SHISA6: variants seen among roughly 807,000 people sequenced by gnomAD.
SHISA6 encodes the protein protein shisa-6.
Under a neutral mutation model 47.9 loss-of-function variants are expected in SHISA6, and 22 were observed. The observed-to-expected ratio is 0.46, with a 90% CI of 0.33 to 0.66. SHISA6 has a LOEUF of 0.66. Among genes scored for constraint, SHISA6 ranks in the 30% least tolerant of loss-of-function variants. The pLI is 0.02. For synonymous variants in SHISA6, 388 were observed against 337.8 expected (o/e 1.15, Z -1.63); for missense variants, 680 against 764.6 (o/e 0.89, Z 1.30).
intron 2 of SHISA6, among the ~76,000 whole-genome samples, chr17:11,345,950 C>T (rs1020667194): frequency 2.6e-5 from 4 of 152,048 alleles, no homozygotes; most frequent in African/African-American, 9.7e-5. Context: ...TTATCTTTTA[C>T]TTCTTTTACT....
chr17:11,248,947 G>A (rs529908546), intron 1 of SHISA6, among the ~76,000 whole-genome samples: 2 of 152,020 alleles, frequency 1.3e-5, no homozygotes, highest in East Asian at 1.9e-4. Context: ...AGACCATCCC[G>A]GCTAACACGG....
intron 3 of SHISA6, among the ~76,000 whole-genome samples, chr17:11,407,191 CA>C (rs1443036692): frequency 1.3e-5 from 2 of 151,822 alleles, no homozygotes; most frequent in African/African-American, 4.8e-5. Context: ...ACAAGATAAC[CA>C]CTATTAGTAT....
intron 3 of SHISA6, among the ~76,000 whole-genome samples, chr17:11,455,505 ATGGAAGTGTGTGTACAAGCG>A (rs549963528): frequency 4.0e-3 from 609 of 152,078 alleles, no homozygotes; most frequent in African/African-American, 8.3e-3. Flanking sequence ...GTCTGCACAG[ATGGAAGTGTGTGTACAAGCG>A]TGGAAGTGTG....
intron 3 of SHISA6, among the ~76,000 whole-genome samples, chr17:11,489,707 G>A (rs1463892807): frequency 6.6e-6 from 1 of 152,178 alleles, no homozygotes; most frequent in Non-Finnish European, 1.5e-5. Flanking sequence ...TTAAACAGCA[G>A]TTTTCAACCG....
intron 3 of SHISA6, among the ~76,000 whole-genome samples, chr17:11,447,751 A>G (rs1915273644): frequency 6.6e-6 from 1 of 152,288 alleles, no homozygotes; most frequent in South Asian, 2.1e-4. Context: ...CATCTCCTCA[A>G]TGAAGTTTCT....
At chr17:11,341,240 G>A (rs1359008746) in intron 2 of SHISA6, among the ~76,000 whole-genome samples, 2 of 151,678 alleles carry the variant, frequency 1.3e-5, no homozygotes, top group East Asian at 3.9e-4. Flanking sequence ...AAATGACAAG[G>A]ATCATGGCAG....
intron 2 of SHISA6, among the ~76,000 whole-genome samples, chr17:11,337,669 G>A (rs1911372636): frequency 6.6e-6 from 1 of 152,166 alleles, no homozygotes; most frequent in African/African-American, 2.4e-5. Flanking sequence ...CCTGCTCCAA[G>A]ATGGCTTTGC....
intron 3 of SHISA6, among the ~76,000 whole-genome samples, chr17:11,475,108 G>A (rs1257452518): frequency 1.3e-5 from 2 of 151,962 alleles, no homozygotes; most frequent in Non-Finnish European, 2.9e-5. Flanking sequence ...AATTTTACTT[G>A]TTCATTGACA....
chr17:11,558,046 T>TC lies in SHISA6; in HGVS notation c.1401dup (p.Glu468ArgfsTer37), dbSNP rs1460704792. The stretch of plus-strand genomic sequence containing the variant: ...TGCTGTCCCCGGAGCGGACGGCCTT[T>TC]CCCGAGCAGTCGCTGTCCAGGGCCA... On this transcript the variant is annotated frameshift_variant, in exon 6 of 6. Transcript: ENST00000441885. LOFTEE classifies it high-confidence loss of function. 6.4e-7 allele frequency: 1 copy of TC among 1,551,646 alleles called. No individual in the cohort carries two copies.
intron 5 of SHISA6, 119 bp downstream of exon 5, chr17:11,556,011 G>C: frequency 7.9e-7 from 1 of 1,259,230 alleles, no homozygotes; most frequent in Middle Eastern, 2.0e-4. Context: ...AATAAAGAAG[G>C]AGTTGCAGGA....
At chr17:11,429,903 GC>G (rs1914704842) in intron 3 of SHISA6, among the ~76,000 whole-genome samples, 1 of 151,042 alleles carries the variant, frequency 6.6e-6, no homozygotes, top group Non-Finnish European at 1.5e-5. Flanking sequence ...TCTGCATTTA[GC>G]CTTCAGGTTG....
chr17:11,303,579 C>T (rs771943244), intron 2 of SHISA6, among the ~76,000 whole-genome samples: 21 of 151,932 alleles, frequency 1.4e-4, no homozygotes, highest in Non-Finnish European at 2.4e-4. Context: ...CATGAGGTGA[C>T]GGGATTTTTT....
At chr17:11,551,162 C>T (rs1011461511) in intron 3 of SHISA6, among the ~76,000 whole-genome samples, 1 of 152,208 alleles carries the variant, frequency 6.6e-6, no homozygotes, top group African/African-American at 2.4e-5. Context: ...CCAGAGTGCA[C>T]TGTAGTGGTC....
Position 11,349,748 on chromosome 17 carries a change from A to G in SHISA6, c.800-29666A>G, listed in dbSNP as rs539618867. Among the ~76,000 whole-genome samples, 168 of 152,286 alleles carry G rather than the reference A, an allele frequency of 1.1e-3. 1 individual carries two copies. The highest frequency in any genetic ancestry group is 3.8e-3 in the African/African-American group (156 of 41,556). ...TCTGCTAAGTCAGATAACTGATGGG[A>G]AGGAAGGAATGAAATGAGGCCTCTT... is the stretch of plus-strand genomic sequence containing the variant. On this transcript the variant is annotated intron_variant, in intron 2 of 5. Coordinates refer to ENST00000441885, the MANE Select transcript of SHISA6 (RefSeq NM_207386.4).
chr17:11,493,838 A>G (rs55699368), intron 3 of SHISA6, among the ~76,000 whole-genome samples: 31,182 of 152,074 alleles, frequency 0.21, 3,399 homozygotes, highest in East Asian at 0.32. Context: ...GGAAAAGGAA[A>G]TGTTTTGTGT....
intron 3 of SHISA6, among the ~76,000 whole-genome samples, chr17:11,416,369 A>C (rs1349482142): frequency 2.0e-5 from 3 of 152,232 alleles, no homozygotes; most frequent in Non-Finnish European, 1.5e-5. Context: ...CCAAGACGGC[A>C]GTATTATTTT....
At chr17:11,481,698 G>A (rs1916228596) in intron 3 of SHISA6, among the ~76,000 whole-genome samples, 1 of 151,862 alleles carries the variant, frequency 6.6e-6, no homozygotes, top group African/African-American at 2.4e-5. Context: ...TCACCATGTT[G>A]ATCAGGCTGG....
At chr17:11,532,724 C>T (rs1306949776) in intron 3 of SHISA6, among the ~76,000 whole-genome samples, 1 of 149,340 alleles carries the variant, frequency 6.7e-6, no homozygotes, top group Non-Finnish European at 1.5e-5. Context: ...CATGCCTTTC[C>T]CCATTCTATC....
intron 3 of SHISA6, among the ~76,000 whole-genome samples, chr17:11,392,686 A>G (rs1597490527): frequency 6.6e-6 from 1 of 152,246 alleles, no homozygotes; most frequent in African/African-American, 2.4e-5. Flanking sequence ...ACCCAGCCTC[A>G]GGTATTCTGA....
Sources: allele counts gnomAD v4.1 joint callset (sites outside exome capture counted in the v4.1 genomes callset), GRCh38; gene constraint gnomAD v4.1.1; transcripts MANE v1.5; gene names NCBI Gene and HGNC (gene_info 2026-07-23, HGNC 2026-07-21).